Variants in PANK3 observed in about 807,000 individuals in gnomAD.
The protein encoded by PANK3 is hPanK3.
PANK3 carries 20 observed loss-of-function variants against 39.4 expected under a neutral mutation model. The observed-to-expected ratio is 0.51, with a 90% confidence interval of 0.36 to 0.74. PANK3 has a LOEUF of 0.74. Ranked by LOEUF, PANK3 falls within the 30% of genes least tolerant of loss-of-function variation. The pLI is 0.00. For synonymous variants in PANK3, 140 were observed against 157.3 expected (o/e 0.89, Z 0.82); for missense variants, 265 against 437.0 (o/e 0.61, Z 3.51).
chr5:168,571,033 G>A (rs1002130158), intron 1 of PANK3, among the ~76,000 whole-genome samples: 18 of 152,156 alleles, frequency 1.2e-4, no homozygotes, highest in East Asian at 1.9e-4. Context: ...AGTGAGATAC[G>A]GGATGCTATT....
chr5:168,575,641 C>A (rs1346678388), intron 1 of PANK3, among the ~76,000 whole-genome samples: 2 of 152,098 alleles, frequency 1.3e-5, no homozygotes, highest in African/African-American at 4.8e-5. Flanking sequence ...AAAAAATTAG[C>A]TGGGCATAGT....
chr5:168,561,869 A>G (rs1259944621), intron 4 of PANK3, among the ~76,000 whole-genome samples: 2 of 152,208 alleles, frequency 1.3e-5, no homozygotes, highest in South Asian at 4.1e-4. Context: ...TCATTCAGTC[A>G]CAAGAAACAT....
At chr5:168,577,817 C>A (rs941333297) in intron 1 of PANK3, among the ~76,000 whole-genome samples, 3 of 152,154 alleles carry the variant, frequency 2.0e-5, no homozygotes, top group Admixed American at 1.3e-4. Context: ...ACACTGTTCA[C>A]CAAATGGAAA....
intron 1 of PANK3, among the ~76,000 whole-genome samples, chr5:168,573,335 C>T (rs1233268171): frequency 1.4e-5 from 2 of 139,730 alleles, no homozygotes; most frequent in Non-Finnish European, 3.0e-5. Flanking sequence ...CCTTTCAATT[C>T]AATAGACTTC....
chr5:168,575,202 T>C (rs1253206272), intron 1 of PANK3, among the ~76,000 whole-genome samples: 1 of 152,240 alleles, frequency 6.6e-6, no homozygotes, highest in Non-Finnish European at 1.5e-5. Context: ...ATAGCTCTTA[T>C]TCTATGTCTC....
rs943613392 is a variant in PANK3 at position 168,549,491 on chromosome 5, G to A, written c.*8080C>T. ...ACTGTAAGCACTGCAACGTATGAAA[G>A]AAACATATTTAGCAATAAAAAATTT... On this transcript the variant is annotated 3_prime_UTR_variant, in exon 7 of 7. Coordinates refer to ENST00000239231, the MANE Select transcript of PANK3 (RefSeq NM_024594.4). 1 of 152,144 alleles carries A rather than the reference G, an allele frequency of 6.6e-6. No homozygotes were observed. The highest frequency in any genetic ancestry group is 2.4e-5 in the African/African-American group (1 of 41,444). 9.4% of individuals were successfully genotyped at this position (152,144 alleles called of 1,614,324 possible). A position where few individuals can be genotyped will look rare whatever the true frequency, so the allele number is the denominator to read the frequency against.
intron 4 of PANK3, among the ~76,000 whole-genome samples, chr5:168,562,675 T>C (rs1759465532): frequency 6.6e-6 from 1 of 152,224 alleles, no homozygotes; most frequent in African/African-American, 2.4e-5. Flanking sequence ...CCTTTTTAAA[T>C]GTGTGAAAGG....
chr5:168,563,430 G>C (rs946547266), intron 4 of PANK3, among the ~76,000 whole-genome samples: 9 of 152,158 alleles, frequency 5.9e-5, no homozygotes, highest in Non-Finnish European at 7.4e-5. Context: ...TTTACCGCTG[G>C]TGAGAGTGAA....
At chr5:168,567,627 T>G (rs1759557535) in intron 2 of PANK3, among the ~76,000 whole-genome samples, 1 of 152,136 alleles carries the variant, frequency 6.6e-6, no homozygotes, top group Non-Finnish European at 1.5e-5. Context: ...AAGTTATTTA[T>G]ATTCCTTCTG....
chr5:168,571,600 AAC>A (rs369147750), intron 1 of PANK3, among the ~76,000 whole-genome samples: 3 of 152,246 alleles, frequency 2.0e-5, no homozygotes, highest in Non-Finnish European at 2.9e-5. Flanking sequence ...AAATATATTT[AAC>A]AGTTTTTATG....
intron 6 of PANK3, 26 bp from the exon 7 acceptor site, chr5:168,557,647 T>G (rs773261230): frequency 1.3e-6 from 2 of 1,594,650 alleles, no homozygotes; most frequent in Non-Finnish European, 8.6e-7. Flanking sequence ...ATAACTGTTA[T>G]GTAGTACAGC....
rs1759263031 is a variant in PANK3 at position 168,550,741 on chromosome 5, T to G, written c.*6830A>C. 1 of 152,158 alleles carries G rather than the reference T, an allele frequency of 6.6e-6. No individual in the cohort carries two copies. The highest frequency in any genetic ancestry group is 1.5e-5 in the Non-Finnish European group (1 of 68,018). The allele number at this position is 152,158 out of a possible 1,614,324, so 9.4% of individuals were successfully genotyped here. ...GACACCAAATACCTGAAAAAAAATT[T>G]ACTTTAGTTATCTCAAACACAGCCA... On this transcript the variant is annotated 3_prime_UTR_variant, in exon 7 of 7. Transcript: ENST00000239231.
intron 1 of PANK3, among the ~76,000 whole-genome samples, chr5:168,577,716 T>C (rs934182170): frequency 6.6e-6 from 1 of 152,218 alleles, no homozygotes; most frequent in Non-Finnish European, 1.5e-5. Flanking sequence ...TCATACCTGA[T>C]TATTAGTTTG....
chr5:168,570,968 T>C (rs865875706), intron 1 of PANK3, among the ~76,000 whole-genome samples: 1 of 152,290 alleles, frequency 6.6e-6, no homozygotes, highest in African/African-American at 2.4e-5. Context: ...CCCTTATCAT[T>C]TAAAAACAGA....
intron 1 of PANK3, among the ~76,000 whole-genome samples, chr5:168,579,014 C>T (rs1759783455): frequency 6.6e-6 from 1 of 152,190 alleles, no homozygotes; most frequent in African/African-American, 2.4e-5. Context: ...CTGGCACCTC[C>T]CAGATCTCGA....
chr5:168,564,697 A>G (rs116784924), intron 3 of PANK3, among the ~76,000 whole-genome samples: 1,852 of 152,216 alleles, frequency 0.012, 28 homozygotes, highest in East Asian at 0.023. Flanking sequence ...TGGCCTCCCA[A>G]AGTGTTAGAA....
At position 168,559,117 on chromosome 5, in the gene PANK3, A is replaced by T. The variant is rs747129825; in HGVS notation, c.977T>A (p.Val326Asp). ...RVVFVGNFLRVNTLSMKLLAY... is the reference protein window; with the variant it reads ...RVVFVGNFLRDNTLSMKLLAY... ...CAAAAGTTTCATTGAGAGGGTATTG[A>T]CACGTAAAAAGTTTCCAACAAAGAC... The change falls in exon 6 of 7, where the codon GTC (valine) becomes GAC (aspartate). Residue 326 changes from valine (V) to aspartate (D), a missense_variant. This residue lies in a region of PANK3 where 110 missense variants were observed against 161.2 expected (regional missense o/e 0.68). Coordinates refer to ENST00000239231, the MANE Select transcript of PANK3 (RefSeq NM_024594.4). 6.3e-7 allele frequency: 1 copy of T among 1,591,464 alleles called. No homozygotes were observed. The highest frequency in any genetic ancestry group is 1.7e-5 in the Admixed American group (1 of 59,044).
At chr5:168,570,416 G>C (rs1022013941) in intron 1 of PANK3, among the ~76,000 whole-genome samples, 3 of 149,826 alleles carry the variant, frequency 2.0e-5, no homozygotes, top group African/African-American at 7.3e-5. Context: ...AAGAAAGAAA[G>C]AAAGAAAATC....
intron 1 of PANK3, among the ~76,000 whole-genome samples, chr5:168,578,019 TATAA>T (rs1244208302): frequency 1.3e-5 from 2 of 152,250 alleles, no homozygotes; most frequent in Admixed American, 6.5e-5. Flanking sequence ...TCTATTCAGT[TATAA>T]ATAATTTTTT....
Sources: allele counts gnomAD v4.1 joint callset (sites outside exome capture counted in the v4.1 genomes callset), GRCh38; gene constraint gnomAD v4.1.1; regional missense constraint gnomAD v4.1.1; transcripts MANE v1.5; gene names NCBI Gene and HGNC (gene_info 2026-07-23, HGNC 2026-07-21).